C1orf174: variants seen among roughly 807,000 people sequenced by gnomAD.
The protein encoded by C1orf174 is chromosome 1 open reading frame 174.
C1orf174 carries 13 observed loss-of-function variants against 18.4 expected under a neutral mutation model. The observed-to-expected ratio is 0.71, with a 90% CI of 0.46 to 1.12. The LOEUF (loss-of-function observed/expected upper bound fraction) is 1.12. Among genes scored for constraint, C1orf174 ranks in the 50% most tolerant of loss-of-function variants. C1orf174 has a pLI of 0.00. For synonymous variants in C1orf174, 100 were observed against 118.3 expected, an observed-to-expected ratio of 0.85 and a Z score of 1.01; for missense variants, 309 against 308.0, an observed-to-expected ratio of 1.00 and a Z score of -0.02.
chr1:3,890,089 A>C lies in C1orf174; in HGVS notation c.619-16T>G. 1 of 1,601,180 alleles carries C rather than the reference A, an allele frequency of 6.2e-7. No individual in the cohort carries two copies. Reference sequence around the variant, plus strand: ...GTGGGAGGTCCTTAGTGGAGAAGAAAACATGACTTCAGTCATGAGCAATAC... The same window carrying C: ...GTGGGAGGTCCTTAGTGGAGAAGAACACATGACTTCAGTCATGAGCAATAC... On this transcript the variant is annotated splice_polypyrimidine_tract_variant and intron_variant, in intron 3 of 3. Transcript: ENST00000361605.
intron 2 of C1orf174, chr1:3,891,468 G>T: frequency 4.8e-6 from 2 of 419,156 alleles, no homozygotes; most frequent in Non-Finnish European, 6.5e-6. Context: ...ACCAATTAGT[G>T]CCTGGCACAC....
chr1:3,890,827 A>G lies in C1orf174; in HGVS notation c.360T>C (p.Pro120=). Residue 120 remains proline, a synonymous_variant, in exon 3 of 4, where the codon CCT becomes CCC. Transcript: ENST00000361605. ...CACTCACAACTCTGCAGCCACCGAG[A>G]GGAAGACTTGCAGCCCCCTGCTGCA... ...VSVQQGAASL[P]LGGCRVVSDS... is the part of the protein sequence containing the mutation. 1.2e-6 allele frequency: 2 copies of G among 1,613,304 alleles called. No individual in the cohort carries two copies. The highest frequency in any genetic ancestry group is 1.1e-5 in the South Asian group (1 of 91,070).
At chr1:3,898,297 G>A (rs1339725445) in intron 1 of C1orf174, among the ~76,000 whole-genome samples, 1 of 152,144 alleles carries the variant, frequency 6.6e-6, no homozygotes, top group Non-Finnish European at 1.5e-5. Context: ...ATCACCTGAG[G>A]TCAGGAGTTT....
Position 3,892,968 on chromosome 1 carries a change from C to A in C1orf174, c.44G>T (p.Arg15Leu). 6.2e-7 allele frequency: 1 copy of A among 1,614,100 alleles called. No homozygotes were observed. Among genetic ancestry groups the A allele is most frequent in the Non-Finnish European group, 8.5e-7 (1 of 1,180,024 alleles). ...TGCCGAACAACTTCGTGCTTTCAAG[C>A]GCGCTGAAGACCGCACTGCACCTGT... is the stretch of plus-strand genomic sequence containing the variant. ...KLTGAVRSSA[R>L]LKARSCSAAR... Residue 15 changes from arginine to leucine, a missense_variant, in exon 2 of 4, where the codon CGC becomes CTC. By Grantham distance (102) the Arg-to-Leu change is moderately radical. Transcript: ENST00000361605.
At chr1:3,897,901 G>A (rs531264232) in intron 1 of C1orf174, among the ~76,000 whole-genome samples, 20 of 152,254 alleles carry the variant, frequency 1.3e-4, no homozygotes, top group African/African-American at 4.1e-4. Context: ...CTGACCTTGT[G>A]ATCCGCCTGC....
chr1:3,892,946 C>T lies in C1orf174; in HGVS notation c.66G>A (p.Ser22=), dbSNP rs747495563. The change falls in exon 2 of 4, where the codon TCG becomes TCA. Residue 22 remains serine (S), a synonymous_variant. Transcript: ENST00000361605. The part of the protein sequence containing the change: ...SSARLKARSC[S]AARLASAQEV... ...CCTGGGCAGAGGCCAACCTGGCTGC[C>T]GAACAACTTCGTGCTTTCAAGCGCG... 3.0e-5 allele frequency: 48 copies of T among 1,614,052 alleles called. No homozygotes were observed. In the South Asian group the frequency reaches 4.5e-4, roughly 15 times the overall value.
intron 1 of C1orf174, among the ~76,000 whole-genome samples, chr1:3,894,354 T>G (rs1160502864): frequency 6.6e-6 from 1 of 151,948 alleles, no homozygotes; most frequent in African/African-American, 2.4e-5. Context: ...ACGGCTGTAA[T>G]CCCAGCACTT....
intron 3 of C1orf174, 130 bp from the exon 4 acceptor site, chr1:3,890,203 G>C (rs1022388626): frequency 2.8e-5 from 20 of 714,020 alleles, no homozygotes; most frequent in Middle Eastern, 6.0e-4. Flanking sequence ...GAAAATGCCT[G>C]AGTCCCAGCA....
chr1:3,900,124 G>A (rs768393318), intron 1 of C1orf174, 48 bp downstream of exon 1: 2 of 1,563,208 alleles, frequency 1.3e-6, no homozygotes, highest in Non-Finnish European at 1.7e-6. Flanking sequence ...AGGTGACCCA[G>A]AGTCCCCGCC....
At chr1:3,893,819 C>A (rs918029552) in intron 1 of C1orf174, among the ~76,000 whole-genome samples, 1 of 152,162 alleles carries the variant, frequency 6.6e-6, no homozygotes, top group Non-Finnish European at 1.5e-5. Context: ...ATCACTTGAT[C>A]CCAGGAGTCT....
At chr1:3,899,474 G>A (rs931297367) in intron 1 of C1orf174, among the ~76,000 whole-genome samples, 1 of 152,054 alleles carries the variant, frequency 6.6e-6, no homozygotes, top group East Asian at 1.9e-4. Flanking sequence ...CCCACGCAAT[G>A]AGCACTTGCC....
At chr1:3,897,079 G>A (rs1389147940) in intron 1 of C1orf174, among the ~76,000 whole-genome samples, 1 of 152,134 alleles carries the variant, frequency 6.6e-6, no homozygotes, top group Non-Finnish European at 1.5e-5. Context: ...TTGCTAAAAT[G>A]TATTATCTAA....
rs113844938 is a variant in C1orf174 at position 3,893,529 on chromosome 1, G to A, written c.16-533C>T. On this transcript the variant is annotated intron_variant, in intron 1 of 3. Transcript: ENST00000361605. ...AGCAAACTCCTCTAATAACAAGAAA[G>A]AAATTAATTAAAGACATAACATTTA... Among the ~76,000 whole-genome samples the A allele has an allele frequency of 9.3e-3, 1,410 of 152,196 alleles. 23 individuals are homozygous for A. Among genetic ancestry groups the A allele is most frequent in the African/African-American group, 0.032 (1,331 of 41,512 alleles).
At chr1:3,892,584 G>A (rs571961435) in intron 2 of C1orf174, 375 of 300,360 alleles carry the variant, frequency 1.2e-3, no homozygotes, top group African/African-American at 7.8e-3. Context: ...GTGGGCGGGT[G>A]CTAGGATCAG....
In C1orf174 at chr1:3,900,160, C is replaced by T. The variant is rs769897541; in HGVS notation, c.15+12G>A. The T allele has an allele frequency of 6.3e-7, 1 of 1,582,208 alleles. No individual in the cohort carries two copies. Among genetic ancestry groups the T allele is most frequent in the Non-Finnish European group, 8.5e-7 (1 of 1,173,188 alleles). ...CTGCCCGGCGCAGCTGCTGCCGGGA[C>T]CCAGCCCTCACCTTCCGGCTCCTCA... On this transcript the variant is annotated intron_variant, in intron 1 of 3. Transcript: ENST00000361605.
At position 3,891,255 on chromosome 1, in the gene C1orf174, C is replaced by T. The variant is rs528352688; in HGVS notation, c.130-198G>A. ...CTGAATCTAGACACACCCCACACCA[C>T]TCCTACACTTTCAGTTTTCCCTAGT... is the stretch of plus-strand genomic sequence containing the variant. On this transcript the variant is annotated intron_variant, in intron 2 of 3. Coordinates refer to ENST00000361605, the MANE Select transcript of C1orf174 (RefSeq NM_207356.3). 3.9e-5 allele frequency: 25 copies of T among 648,148 alleles called. No homozygotes were observed. In the East Asian group the frequency reaches 6.5e-4, roughly 17 times the overall value. 40.1% of individuals were successfully genotyped at this position (648,148 alleles called of 1,614,324 possible).
chr1:3,897,610 G>A (rs1176335377), intron 1 of C1orf174, among the ~76,000 whole-genome samples: 1 of 152,060 alleles, frequency 6.6e-6, no homozygotes, highest in Non-Finnish European at 1.5e-5. Context: ...AATATTTGAA[G>A]AAATAATGGC....
chr1:3,897,300 T>C (rs941829563), intron 1 of C1orf174, among the ~76,000 whole-genome samples: 2 of 152,108 alleles, frequency 1.3e-5, no homozygotes, highest in South Asian at 4.1e-4. Context: ...CATAAGATAA[T>C]GCTGCATCAA....
rs367965839 is a variant in C1orf174, at chr1:3,890,640, C to A, written c.547G>T (p.Val183Phe). ...QKPPLQMDNS[V>F]FLDDDSNQPM... Reference sequence around the variant, plus strand: ...TGATTGCTGTCGTCATCTAGAAAGACGCTGTTGTCCATCTGAAGTGGTGGC... The same window carrying A: ...TGATTGCTGTCGTCATCTAGAAAGAAGCTGTTGTCCATCTGAAGTGGTGGC... Residue 183 changes from valine to phenylalanine, a missense_variant, in exon 3 of 4, where the codon GTC becomes TTC. Transcript: ENST00000361605. 2 of 1,614,142 alleles carry A rather than the reference C, an allele frequency of 1.2e-6. No homozygotes were observed.
Sources: allele counts gnomAD v4.1 joint callset (sites outside exome capture counted in the v4.1 genomes callset), GRCh38; gene constraint gnomAD v4.1.1; transcripts MANE v1.5; gene names NCBI Gene and HGNC (gene_info 2026-07-23, HGNC 2026-07-21).